ZYG11B: variants seen among roughly 807,000 people sequenced by gnomAD.
The protein encoded by ZYG11B is zyg-11 family member B, cell cycle regulator, also known as protein zyg-11 homolog B.
ZYG11B carries 36 observed loss-of-function variants against 82.4 expected under a neutral mutation model. The ratio of observed to expected loss-of-function variants is 0.44; its 90% CI spans 0.33 to 0.58. The LOEUF is 0.58. Ranked by LOEUF, ZYG11B falls within the 20% of genes least tolerant of loss-of-function variation. The pLI, the probability that ZYG11B is intolerant of heterozygous loss-of-function variation, is 0.02. For missense variants in ZYG11B, 552 were observed against 895.6 expected (o/e 0.62, Z 4.90); for synonymous variants, 303 against 312.8 (o/e 0.97, Z 0.33).
At chr1:52,817,021 C>T (rs1301163350) in intron 13 of ZYG11B, among the ~76,000 whole-genome samples, 1 of 151,880 alleles carries the variant, frequency 6.6e-6, no homozygotes, top group African/African-American at 2.4e-5. Context: ...AGGCTGGTCT[C>T]AAACTCCTGA....
chr1:52,786,800 G>A (rs1644916640), intron 5 of ZYG11B, among the ~76,000 whole-genome samples: 1 of 150,786 alleles, frequency 6.6e-6, no homozygotes, highest in Non-Finnish European at 1.5e-5. Context: ...AAACAAAAAA[G>A]AATGTTCGAG....
At chr1:52,774,609 A>ATT (rs35043109) in intron 3 of ZYG11B, among the ~76,000 whole-genome samples, 6,811 of 110,432 alleles carry the variant, frequency 0.062, 944 homozygotes, top group East Asian at 0.25. Flanking sequence ...GCCTGGCCTA[A>ATT]TTTTTTTTTT....
In ZYG11B at chr1:52,771,463, C is replaced by G. The variant is rs994311137; in HGVS notation, c.640C>G (p.Leu214Val). 3 of 1,613,546 alleles carry G rather than the reference C, an allele frequency of 1.9e-6. No homozygotes were observed. Among genetic ancestry groups the G allele is most frequent in the Non-Finnish European group, 2.5e-6 (3 of 1,179,882 alleles). Residue 214 changes from leucine to valine, a missense_variant, in exon 3 of 14, where the codon CTA becomes GTA. Leu to Val is a conservative substitution (Grantham distance 32, BLOSUM62 1). Transcript: ENST00000294353. The surrounding 1 kb of genome is among the most constrained non-coding windows in gnomAD (Gnocchi z 5.4). The part of the protein sequence containing the change: ...LLACKDRLKS[L>V]TMHHLKCLKM... ...GGCCTGCAAAGACCGACTCAAGTCT[C>G]TAACCATGCACCACTTGAAATGTTT...
intron 1 of ZYG11B, among the ~76,000 whole-genome samples, chr1:52,751,385 T>G (rs1644522936): frequency 6.6e-6 from 1 of 151,188 alleles, no homozygotes; most frequent in African/African-American, 2.4e-5. Context: ...ATCCCAGCAC[T>G]TTGGGAGGCC....
intron 2 of ZYG11B, among the ~76,000 whole-genome samples, chr1:52,768,032 G>A (rs182503659): frequency 4.1e-4 from 62 of 152,284 alleles, no homozygotes; most frequent in Middle Eastern, 3.4e-3. Context: ...GCAGATTGGG[G>A]CAAGTAATTA....
At chr1:52,818,932 T>C (rs1645257672) in intron 13 of ZYG11B, among the ~76,000 whole-genome samples, 1 of 151,968 alleles carries the variant, frequency 6.6e-6, no homozygotes, top group South Asian at 2.1e-4. Flanking sequence ...TAACTGGGAC[T>C]ACAGGAACAC....
At chr1:52,795,870 C>A (rs1397941256) in intron 6 of ZYG11B, among the ~76,000 whole-genome samples, 2 of 152,140 alleles carry the variant, frequency 1.3e-5, no homozygotes, top group African/African-American at 4.8e-5. Context: ...CTATCTCCAG[C>A]ACTAAGAACA....
chr1:52,814,061 G>T (rs182747868), intron 12 of ZYG11B, 149 bp downstream of exon 12: 1 of 771,562 alleles, frequency 1.3e-6, no homozygotes, highest in Non-Finnish European at 2.1e-6. Context: ...TCACTCCGTC[G>T]CCATGGCTGG....
chr1:52,726,465 C>T lies in ZYG11B; in HGVS notation c.-189C>T, dbSNP rs548819631. 1.0e-5 allele frequency: 5 copies of T among 496,534 alleles called. No individual in the cohort carries two copies. Among genetic ancestry groups the T allele is most frequent in the African/African-American group, 8.1e-5 (4 of 49,610 alleles). 30.8% of individuals were successfully genotyped at this position (496,534 alleles called of 1,614,324 possible). ...TCCTCGCGGGGGCGGAGTCTGCGCT[C>T]TGGTTCGGGCTGCGGCTGCGGCTGC... On this transcript the variant is annotated 5_prime_UTR_variant, in exon 1 of 14. Transcript: ENST00000294353.
intron 1 of ZYG11B, among the ~76,000 whole-genome samples, chr1:52,730,712 G>T (rs1644323682): frequency 6.6e-6 from 1 of 152,240 alleles, no homozygotes; most frequent in South Asian, 2.1e-4. Flanking sequence ...GGGCATGGTG[G>T]TGCATGCCTG....
intron 10 of ZYG11B, among the ~76,000 whole-genome samples, chr1:52,802,565 G>T (rs1645085120): frequency 6.6e-6 from 1 of 151,320 alleles, no homozygotes; most frequent in African/African-American, 2.4e-5. Flanking sequence ...TGCCCAGGAT[G>T]GTCTCAAACT....
chr1:52,812,149 A>G (rs951033427), intron 10 of ZYG11B, among the ~76,000 whole-genome samples: 1 of 151,690 alleles, frequency 6.6e-6, no homozygotes, highest in African/African-American at 2.4e-5. Flanking sequence ...TGCTAATTCT[A>G]TTATCTCTGT....
chr1:52,794,971 A>G (rs541380471), intron 6 of ZYG11B, among the ~76,000 whole-genome samples: 37 of 152,268 alleles, frequency 2.4e-4, no homozygotes, highest in Admixed American at 2.0e-3. Flanking sequence ...AACACAGATG[A>G]TCGAGTAGTC....
rs557407437 is a variant in ZYG11B, at chr1:52,825,415, C to T, written c.*3786C>T. On this transcript the variant is annotated 3_prime_UTR_variant, in exon 14 of 14. Transcript: ENST00000294353. ...AGTATAAATATTGCTTCTTGTCACCCTGGGACAGTAATGCCTTATAGTGGC... is the reference window on the plus strand; with the variant it reads ...AGTATAAATATTGCTTCTTGTCACCTTGGGACAGTAATGCCTTATAGTGGC... 4.6e-5 allele frequency: 7 copies of T among 152,188 alleles called. No homozygotes were observed. Among genetic ancestry groups the T allele is most frequent in the African/African-American group, 1.7e-4 (7 of 41,516 alleles). The allele number at this position is 152,188 out of a possible 1,614,324, so 9.4% of individuals were successfully genotyped here. A position where few individuals can be genotyped will look rare whatever the true frequency, so the allele number is the denominator to read the frequency against.
intron 6 of ZYG11B, among the ~76,000 whole-genome samples, chr1:52,792,262 GAC>G (rs1352522192): frequency 2.6e-5 from 4 of 152,150 alleles, no homozygotes; most frequent in Non-Finnish European, 5.9e-5. Flanking sequence ...TATTACATGA[GAC>G]AGAATTTTTC....
rs1165271089 is a variant in ZYG11B at position 52,803,099 on chromosome 1, CATAT to C, written c.1695+976_1695+979del. ...ATATATATATACACATATATATATA[CATAT>C]ATATATATATATATACACACATATA... On this transcript the variant is annotated intron_variant, in intron 10 of 13. Coordinates refer to ENST00000294353, the MANE Select transcript of ZYG11B (RefSeq NM_024646.3). 1.7e-3 allele frequency among the ~76,000 whole-genome samples: 18 copies of C among 10,792 alleles called. 1 individual carries two copies. The highest frequency in any genetic ancestry group is 4.3e-3 in the African/African-American group (14 of 3,278). 7.1% of individuals were successfully genotyped at this position (10,792 alleles called of 152,430 possible).
intron 2 of ZYG11B, among the ~76,000 whole-genome samples, chr1:52,763,768 T>A (rs1644657462): frequency 6.6e-6 from 1 of 152,124 alleles, no homozygotes; most frequent in Admixed American, 6.6e-5. Flanking sequence ...GAAATCAGAG[T>A]GAGAATTTTA....
intron 1 of ZYG11B, among the ~76,000 whole-genome samples, chr1:52,742,971 G>A (rs951199266): frequency 1.5e-4 from 23 of 151,782 alleles, no homozygotes; most frequent in Non-Finnish European, 2.5e-4. Context: ...CGCCCCGTCC[G>A]GGAGGTGGGG....
chr1:52,810,425 CTGG>C (rs1645173038), intron 10 of ZYG11B, among the ~76,000 whole-genome samples: 1 of 152,168 alleles, frequency 6.6e-6, no homozygotes, highest in African/African-American at 2.4e-5. Context: ...TCCCTTCTCC[CTGG>C]TGTTCTGTCC....
Sources: allele counts gnomAD v4.1 joint callset (sites outside exome capture counted in the v4.1 genomes callset), GRCh38; gene constraint gnomAD v4.1.1; non-coding constraint Gnocchi (gnomAD v3.1); transcripts MANE v1.5; gene names NCBI Gene and HGNC (gene_info 2026-07-23, HGNC 2026-07-21).